SETBP1: variants seen among roughly 807,000 people sequenced by gnomAD.
The protein encoded by SETBP1 is SET-binding protein.
In SETBP1, 9 loss-of-function variants were observed where a neutral mutation model predicts 101.0. The observed-to-expected ratio is 0.09, with a 90% confidence interval of 0.05 to 0.16. The LOEUF is 0.16. Among genes scored for constraint, SETBP1 ranks in the 10% least tolerant of loss-of-function variants. The probability of loss-of-function intolerance (pLI) is 1.00; values close to 1 mark genes in which losing one functional copy is unlikely to be tolerated. For missense variants in SETBP1, 1,858 were observed against 2,033.8 expected (o/e 0.91, Z 1.66); for synonymous variants, 818 against 788.5 (o/e 1.04, Z -0.63).
Position 44,952,331 on chromosome 18 carries a change from A to G in SETBP1, c.2991A>G (p.Pro997=). The G allele has an allele frequency of 6.2e-7, 1 of 1,614,128 alleles. No homozygotes were observed. Among genetic ancestry groups the G allele is most frequent in the Non-Finnish European group, 8.5e-7 (1 of 1,180,028 alleles). The part of the protein sequence containing the change: ...RINFDHYYPV[P]YIQYDPLLYL... Reference sequence around the variant, plus strand: ...ATTTTGATCACTATTACCCGGTGCCATATATCCAGTATGACCCGTTGCTCT... The same window carrying G: ...ATTTTGATCACTATTACCCGGTGCCGTATATCCAGTATGACCCGTTGCTCT... The change falls in exon 4 of 6, where the codon CCA becomes CCG. Residue 997 remains proline (P), a synonymous_variant. Transcript: ENST00000649279.
At chr18:44,870,800 T>A (rs1238220275) in intron 3 of SETBP1, 1 of 152,354 alleles carries the variant, frequency 6.6e-6, no homozygotes, top group South Asian at 2.1e-4. Context: ...ACTGAGTTTA[T>A]TGGAGTTGTG....
chr18:44,959,862 T>C (rs1395008978), intron 4 of SETBP1, among the ~76,000 whole-genome samples: 1 of 151,850 alleles, frequency 6.6e-6, no homozygotes, highest in Non-Finnish European at 1.5e-5. Flanking sequence ...CAAACAAAGG[T>C]ATGTAAGTGG....
intron 2 of SETBP1, among the ~76,000 whole-genome samples, chr18:44,837,453 A>G (rs1490254728): frequency 1.3e-5 from 2 of 152,248 alleles, no homozygotes; most frequent in Non-Finnish European, 2.9e-5. Flanking sequence ...AAATAAATTT[A>G]ATGAAATCGT....
intron 3 of SETBP1, among the ~76,000 whole-genome samples, chr18:44,885,388 G>A (rs555957004): frequency 1.3e-5 from 2 of 152,176 alleles, no homozygotes; most frequent in Middle Eastern, 3.4e-3. Context: ...TCCCAAGAAA[G>A]GGACTTAATA....
At chr18:44,729,322 C>G (rs1373514711) in intron 2 of SETBP1, among the ~76,000 whole-genome samples, 1 of 152,150 alleles carries the variant, frequency 6.6e-6, no homozygotes. Flanking sequence ...GAGACTGGAG[C>G]AAGAGATGCC....
rs938411845 is a variant in SETBP1 at position 45,008,005 on chromosome 18, C to A, written c.4001-30480C>A. 3.3e-5 allele frequency among the ~76,000 whole-genome samples: 5 copies of A among 152,184 alleles called. No individual in the cohort carries two copies. The South Asian group carries it at 8.3e-4, about 25-fold the overall frequency. On this transcript the variant is annotated intron_variant, in intron 4 of 5. Transcript: ENST00000649279. ...GGGCTTCTTCAGAGCTCCTGAGATA[C>A]CAAAGCTGGCTTTACATTATCTCTG... is the stretch of plus-strand genomic sequence containing the variant.
chr18:44,880,819 C>T (rs908892979), intron 3 of SETBP1, among the ~76,000 whole-genome samples: 1 of 152,032 alleles, frequency 6.6e-6, no homozygotes, highest in Non-Finnish European at 1.5e-5. Flanking sequence ...GGGATCTGCC[C>T]CCATGGTCCA....
At chr18:44,762,051 T>TAATG (rs1251926723) in intron 2 of SETBP1, among the ~76,000 whole-genome samples, 1 of 152,128 alleles carries the variant, frequency 6.6e-6, no homozygotes, top group Non-Finnish European at 1.5e-5. Flanking sequence ...GACCGTTATG[T>TAATG]AATGAACTGG....
chr18:44,778,554 G>A (rs2071055630), intron 2 of SETBP1, among the ~76,000 whole-genome samples: 1 of 152,164 alleles, frequency 6.6e-6, no homozygotes, highest in Non-Finnish European at 1.5e-5. Flanking sequence ...CAAACAAAAA[G>A]CCTCTGTTCT....
chr18:44,807,158 T>C (rs190986313), intron 2 of SETBP1, among the ~76,000 whole-genome samples: 1 of 152,312 alleles, frequency 6.6e-6, no homozygotes, highest in East Asian at 1.9e-4. Flanking sequence ...GGCAATATAA[T>C]GTGAGCTCAG....
intron 3 of SETBP1, among the ~76,000 whole-genome samples, chr18:44,945,951 T>A (rs1334430353): frequency 6.6e-6 from 1 of 152,194 alleles, no homozygotes; most frequent in Non-Finnish European, 1.5e-5. Flanking sequence ...TCTGTCTGGA[T>A]GGAGTAAGTG....
At chr18:44,985,584 A>G (rs547555915) in intron 4 of SETBP1, among the ~76,000 whole-genome samples, 1 of 152,316 alleles carries the variant, frequency 6.6e-6, no homozygotes, top group South Asian at 2.1e-4. Context: ...TACTTGAGTA[A>G]TGATTCTTTT....
intron 2 of SETBP1, among the ~76,000 whole-genome samples, chr18:44,705,703 G>C (rs1296321004): frequency 6.6e-6 from 1 of 152,208 alleles, no homozygotes; most frequent in Admixed American, 6.5e-5. Flanking sequence ...TCATAGGCTA[G>C]TTCTCTGTGA....
intron 4 of SETBP1, among the ~76,000 whole-genome samples, chr18:44,990,254 G>A (rs1174713348): frequency 6.6e-6 from 1 of 152,108 alleles, no homozygotes; most frequent in Non-Finnish European, 1.5e-5. Flanking sequence ...AGAAGGTATA[G>A]TGAACAAAAA....
chr18:45,059,115 C>T (rs1443144762), intron 5 of SETBP1, among the ~76,000 whole-genome samples: 1 of 152,090 alleles, frequency 6.6e-6, no homozygotes, highest in Admixed American at 6.5e-5. Context: ...CCAAAGTAGA[C>T]AGAATAGCAT....
At chr18:45,027,577 C>G (rs185496821) in intron 4 of SETBP1, among the ~76,000 whole-genome samples, 1 of 152,248 alleles carries the variant, frequency 6.6e-6, no homozygotes, top group African/African-American at 2.4e-5. Context: ...GAATTAAAAT[C>G]TTGTAGGGGA....
At chr18:45,027,104 C>T (rs16978246) in intron 4 of SETBP1, among the ~76,000 whole-genome samples, 3,264 of 152,244 alleles carry the variant, frequency 0.021, 137 homozygotes, top group African/African-American at 0.075. Context: ...GCTGGCATAA[C>T]CTTTCCACTA....
In SETBP1 at chr18:45,063,786, C is replaced by A; in HGVS notation, c.*88C>A. The A allele has an allele frequency of 7.0e-7, 1 of 1,420,044 alleles. No individual in the cohort carries two copies. Among genetic ancestry groups the A allele is most frequent in the African/African-American group, 1.4e-5 (1 of 69,216 alleles). 88.0% of individuals were successfully genotyped at this position (1,420,044 alleles called of 1,614,324 possible). A position where few individuals can be genotyped will look rare whatever the true frequency, so the allele number is the denominator to read the frequency against. On this transcript the variant is annotated 3_prime_UTR_variant, in exon 6 of 6. Coordinates refer to ENST00000649279, the MANE Select transcript of SETBP1 (RefSeq NM_015559.3). ...GGGGCGGGGGCGGAATCCCCCGCTG[C>A]AGGGACACCCACGCCCTTCTCTCCA...
chr18:44,836,966 A>G (rs1472104902), intron 2 of SETBP1, among the ~76,000 whole-genome samples: 1 of 151,846 alleles, frequency 6.6e-6, no homozygotes, highest in Admixed American at 6.6e-5. Context: ...TTTTATCTCC[A>G]TTTCTTTCCA....
Sources: gnomAD v4.1 joint callset for allele counts (sites outside exome capture counted in the v4.1 genomes callset) on GRCh38, gnomAD v4.1.1 for gene constraint, MANE v1.5 for transcripts, NCBI Gene and HGNC (gene_info 2026-07-23, HGNC 2026-07-21) for gene names.